The following PAN3 variants were observed in gnomAD, a reference collection of about 807,000 sequenced individuals.
The protein encoded by PAN3 is poly(A) specific ribonuclease subunit PAN3.
A neutral mutation model predicts 96.2 loss-of-function variants in PAN3; 19 were observed. The ratio of observed to expected loss-of-function variants is 0.20; its 90% CI spans 0.14 to 0.29. The LOEUF is 0.29. Among genes scored for constraint, PAN3 ranks in the 10% least tolerant of loss-of-function variants. The pLI, the probability that PAN3 is intolerant of heterozygous loss-of-function variation, is 1.00. For missense variants in PAN3, 882 were observed against 1,108.1 expected (o/e 0.80, Z 2.90); for synonymous variants, 433 against 406.6 (o/e 1.06, Z -0.78).
In PAN3 at chr13:28,280,552, TA is replaced by T. The variant is rs763029143; in HGVS notation, c.2319+14del. 17 of 1,430,480 alleles carry T rather than the reference TA, an allele frequency of 1.2e-5. 1 individual carries two copies. The highest frequency in any genetic ancestry group is 3.8e-4 in the Middle Eastern group (2 of 5,296). 88.6% of individuals were successfully genotyped at this position (1,430,480 alleles called of 1,614,324 possible). On this transcript the variant is annotated intron_variant, in intron 16 of 18. Coordinates refer to ENST00000380958, the MANE Select transcript of PAN3 (RefSeq NM_175854.8). ...GAAGACCTTGCAAAGGTAAAGAGTG[TA>T]AATTTTTTTTTTTTTTTTTTTTTTT...
At chr13:28,287,052 T>C (rs1478781517) in intron 17 of PAN3, among the ~76,000 whole-genome samples, 4 of 152,146 alleles carry the variant, frequency 2.6e-5, no homozygotes, top group Non-Finnish European at 5.9e-5. Context: ...GTGTATTCTG[T>C]CGTCTTTTCT....
chr13:28,195,678 G>T (rs1195393438), intron 4 of PAN3, among the ~76,000 whole-genome samples: 1 of 152,110 alleles, frequency 6.6e-6, no homozygotes. Context: ...TGGGATTACA[G>T]ACATGTGCCA....
chr13:28,142,530 T>TTTTTTTTTTG, intron 1 of PAN3, among the ~76,000 whole-genome samples: 1 of 145,546 alleles, frequency 6.9e-6, no homozygotes, highest in African/African-American at 2.6e-5. Flanking sequence ...TTTTTTTTTT[T>TTTTTTTTTTG]GAGACAGGGA....
chr13:28,162,646 TAA>T (rs59805706), intron 1 of PAN3, among the ~76,000 whole-genome samples: 2 of 140,070 alleles, frequency 1.4e-5, no homozygotes, highest in Non-Finnish European at 1.6e-5. Context: ...GACTCTGCCT[TAA>T]AAAAAAAAAA....
At chr13:28,286,605 A>G (rs570717551) in intron 17 of PAN3, among the ~76,000 whole-genome samples, 1 of 152,274 alleles carries the variant, frequency 6.6e-6, no homozygotes, top group African/African-American at 2.4e-5. Flanking sequence ...TGTCAGGTCT[A>G]CTAAGTCATC....
At chr13:28,281,454 G>A in intron 17 of PAN3, 75 bp downstream of exon 17, 2 of 1,283,528 alleles carry the variant, frequency 1.6e-6, no homozygotes, top group Non-Finnish European at 2.2e-6. Context: ...AAGTATGCCT[G>A]GCTTTATTTG....
rs1460022916 is a variant in PAN3 at position 28,197,346 on chromosome 13, G to C, written c.852G>C (p.Gln284His). The C allele has an allele frequency of 6.3e-7, 1 of 1,582,118 alleles. No individual in the cohort carries two copies. The highest frequency in any genetic ancestry group is 8.6e-7 in the Non-Finnish European group (1 of 1,163,424). ...WWNRVTENNL[Q>H]TPNPTASEFI... Reference sequence around the variant, plus strand: ...ACAGAGTCACAGAAAACAATTTACAGGTAAAAATAATTTTTATTAGACATT... The same window carrying C: ...ACAGAGTCACAGAAAACAATTTACACGTAAAAATAATTTTTATTAGACATT... Residue 284 changes from glutamine (Q) to histidine (H), a missense_variant and splice_region_variant, in exon 5 of 19, where the codon CAG (glutamine) becomes CAC (histidine). By Grantham distance (24) the Gln-to-His change is conservative. Around this residue, in one of 3 missense-constraint regions of PAN3, gnomAD observed 442 missense variants for 422.8 expected, o/e 1.05. Coordinates refer to ENST00000380958, the MANE Select transcript of PAN3 (RefSeq NM_175854.8).
In PAN3 at chr13:28,293,655, C is replaced by T. The variant is rs1448142382; in HGVS notation, c.*1133C>T. 6.6e-6 allele frequency: 1 copy of T among 152,464 alleles called. No homozygotes were observed. The highest frequency in any genetic ancestry group is 6.6e-5 in the Admixed American group (1 of 15,266). The allele number at this position is 152,464 out of a possible 1,614,324, so 9.4% of individuals were successfully genotyped here. A position where few individuals can be genotyped will look rare whatever the true frequency, so the allele number is the denominator to read the frequency against. On this transcript the variant is annotated 3_prime_UTR_variant, in exon 19 of 19. Coordinates refer to ENST00000380958, the MANE Select transcript of PAN3 (RefSeq NM_175854.8). ...ACTTTTGATAATAACTCACTCTGTG[C>T]GATATTCCTGAATAAGTCCATCTCA... is the stretch of plus-strand genomic sequence containing the variant.
At chr13:28,242,141 G>A (rs7328732) in intron 6 of PAN3, among the ~76,000 whole-genome samples, 48,594 of 151,980 alleles carry the variant, frequency 0.32, 8,005 homozygotes, top group East Asian at 0.41. Context: ...TATTTCTCTC[G>A]TAGTGTCTAG....
At position 28,244,978 on chromosome 13, in the gene PAN3, A is replaced by T. The variant is rs1256100470; in HGVS notation, c.1001-11314A>T. 5.9e-5 allele frequency among the ~76,000 whole-genome samples: 9 copies of T among 151,992 alleles called. No individual in the cohort carries two copies. The East Asian group carries it at 1.7e-3, about 29-fold the overall frequency. On this transcript the variant is annotated intron_variant, in intron 6 of 18. Transcript: ENST00000380958. Reference sequence around the variant, plus strand: ...ATTCTCCTGCCTCAGCCTCCTGAGTAGCTGGGATTACAGGCATGCGTCACC... The same window carrying T: ...ATTCTCCTGCCTCAGCCTCCTGAGTTGCTGGGATTACAGGCATGCGTCACC...
At chr13:28,154,652 G>A (rs1286728580) in intron 1 of PAN3, among the ~76,000 whole-genome samples, 1 of 151,592 alleles carries the variant, frequency 6.6e-6, no homozygotes, top group Non-Finnish European at 1.5e-5. Flanking sequence ...CCTCCACTAC[G>A]CCCAGCTAAT....
Position 28,205,873 on chromosome 13 carries a change from A to G in PAN3, c.852+8527A>G, listed in dbSNP as rs186868841. ...AAAAACTGTTTCTTAAAAAAAAAAA[A>G]AAAAGAAAAGAAATGCCTCATGTAT... On this transcript the variant is annotated intron_variant, in intron 5 of 18. Coordinates refer to ENST00000380958, the MANE Select transcript of PAN3 (RefSeq NM_175854.8). Among the ~76,000 whole-genome samples the G allele has an allele frequency of 4.4e-3, 672 of 151,868 alleles. 9 individuals carry two copies. The highest frequency in any genetic ancestry group is 0.015 in the African/African-American group (633 of 41,464).
At chr13:28,270,011 T>G (rs1029940908) in intron 12 of PAN3, among the ~76,000 whole-genome samples, 4 of 152,218 alleles carry the variant, frequency 2.6e-5, no homozygotes, top group Admixed American at 2.6e-4. Flanking sequence ...GTAGATCATT[T>G]GAGCCCAGGA....
chr13:28,215,242 A>G, intron 5 of PAN3: 1 of 712,884 alleles, frequency 1.4e-6, no homozygotes, highest in Admixed American at 1.9e-5. Flanking sequence ...TGTCCAACTG[A>G]CAAGTCCTTG....
rs764502953 is a variant in PAN3 at position 28,176,598 on chromosome 13, T to TA, written c.619+40dup. 7 of 1,570,024 alleles carry TA rather than the reference T, an allele frequency of 4.5e-6. No individual in the cohort carries two copies. The Admixed American group carries it at 1.2e-4, about 27-fold the overall frequency. On this transcript the variant is annotated intron_variant, in intron 3 of 18. Coordinates refer to ENST00000380958, the MANE Select transcript of PAN3 (RefSeq NM_175854.8). ...CCTTTTGCTTATGTGTGTCTGTGTA[T>TA]ATATTTCTTACTCTAAAAGTAATAT...
At position 28,270,824 on chromosome 13, in the gene PAN3, G is replaced by T. The variant is rs146510793; in HGVS notation, c.1916G>T (p.Arg639Leu). ...ATTCATACAGCAGGTTTGGCATGTC[G>T]AGTTATGGATCCAACAAAGATTCTG... ...RTIHTAGLACRVMDPTKILIT... is the reference protein window; with the variant it reads ...RTIHTAGLACLVMDPTKILIT... Residue 639 changes from arginine (R) to leucine (L), a missense_variant, in exon 13 of 19, where the codon CGA (arginine) becomes CTA (leucine). Coordinates refer to ENST00000380958, the MANE Select transcript of PAN3 (RefSeq NM_175854.8). 6.2e-7 allele frequency: 1 copy of T among 1,613,730 alleles called. No individual in the cohort carries two copies. The highest frequency in any genetic ancestry group is 1.3e-5 in the African/African-American group (1 of 74,886).
At chr13:28,143,843 A>C (rs984658527) in intron 1 of PAN3, among the ~76,000 whole-genome samples, 1 of 152,178 alleles carries the variant, frequency 6.6e-6, no homozygotes, top group Non-Finnish European at 1.5e-5. Flanking sequence ...TTGAAGTTCA[A>C]ATGTTAGCTT....
At chr13:28,184,834 T>A (rs975179274) in intron 4 of PAN3, among the ~76,000 whole-genome samples, 1 of 152,170 alleles carries the variant, frequency 6.6e-6, no homozygotes, top group East Asian at 1.9e-4. Flanking sequence ...GGCTATTTTT[T>A]AAATTCATTG....
intron 5 of PAN3, among the ~76,000 whole-genome samples, 156 bp from the exon 6 acceptor site, chr13:28,220,071 ATAAT>A (rs1881237135): frequency 2.6e-5 from 4 of 152,254 alleles, no homozygotes; most frequent in Admixed American, 2.6e-4. Flanking sequence ...TTTAAGAAAT[ATAAT>A]TATGACACAC....
Sources: gnomAD v4.1 joint callset for allele counts (sites outside exome capture counted in the v4.1 genomes callset) on GRCh38, gnomAD v4.1.1 for gene constraint, gnomAD v4.1.1 regional missense constraint, MANE v1.5 for transcripts, NCBI Gene and HGNC (gene_info 2026-07-23, HGNC 2026-07-21) for gene names.